The following MFAP5 variants were observed in gnomAD, a reference collection of about 807,000 sequenced individuals.
MFAP5 encodes microfibrillar-associated protein 5.
MFAP5 carries 19 observed loss-of-function variants against 30.1 expected under a neutral mutation model. The observed-to-expected ratio is 0.63, with a 90% CI of 0.44 to 0.93. The LOEUF (loss-of-function observed/expected upper bound fraction) is 0.93. Ranked by LOEUF, MFAP5 falls within the 40% of genes least tolerant of loss-of-function variation. The pLI is 0.00. For synonymous variants in MFAP5, 92 were observed against 72.9 expected (o/e 1.26, Z -1.33); for missense variants, 210 against 221.3 (o/e 0.95, Z 0.32).
chr12:8,658,135 G>A (rs1942054783), intron 3 of MFAP5, among the ~76,000 whole-genome samples: 1 of 152,132 alleles, frequency 6.6e-6, no homozygotes, highest in Non-Finnish European at 1.5e-5. Flanking sequence ...TATCACTTGA[G>A]GTCAGGAGTT....
Position 8,648,018 on chromosome 12 carries a change from C to A in MFAP5, c.*73G>T. On this transcript the variant is annotated 3_prime_UTR_variant, in exon 10 of 10. Coordinates refer to ENST00000359478, the MANE Select transcript of MFAP5 (RefSeq NM_003480.4). ...GAAATACTGTCTAAGGGTTAGCTGT[C>A]AATGGTTGGAGAAGAAGGAGATCCT... 8.6e-7 allele frequency: 1 copy of A among 1,157,860 alleles called. No individual in the cohort carries two copies. The highest frequency in any genetic ancestry group is 1.3e-6 in the Non-Finnish European group (1 of 786,342). 71.7% of individuals were successfully genotyped at this position (1,157,860 alleles called of 1,614,324 possible).
chr12:8,661,486 G>A (rs1942149123), intron 2 of MFAP5, among the ~76,000 whole-genome samples: 1 of 151,846 alleles, frequency 6.6e-6, no homozygotes, highest in Admixed American at 6.6e-5. Flanking sequence ...TGGTAATAGT[G>A]TATGTATTCC....
chr12:8,662,289 C>T (rs1389136704), intron 1 of MFAP5, 183 bp from the exon 2 acceptor site: 1 of 583,542 alleles, frequency 1.7e-6, no homozygotes, highest in African/African-American at 1.9e-5. Flanking sequence ...ATTTCTCCCT[C>T]AAATCTATTC....
In MFAP5 at chr12:8,662,642, G is replaced by T. The variant is rs1396052105; in HGVS notation, c.-18C>A. ...AATAACTCACTGTCTATGGTGTTCT[G>T]CTCTTTCCACCGAGTCCTTTGGCTG... On this transcript the variant is annotated 5_prime_UTR_variant, in exon 1 of 10. Coordinates refer to ENST00000359478, the MANE Select transcript of MFAP5 (RefSeq NM_003480.4). 6.5e-6 allele frequency: 1 copy of T among 153,930 alleles called. No homozygotes were observed. The highest frequency in any genetic ancestry group is 2.4e-5 in the African/African-American group (1 of 41,402). The allele number at this position is 153,930 out of a possible 1,614,324, so 9.5% of individuals were successfully genotyped here.
Sources: gnomAD v4.1 joint callset for allele counts (sites outside exome capture counted in the v4.1 genomes callset) on GRCh38, gnomAD v4.1.1 for gene constraint, MANE v1.5 for transcripts, NCBI Gene and HGNC (gene_info 2026-07-23, HGNC 2026-07-21) for gene names.